The following JCAD variants were observed in gnomAD, a reference collection of about 807,000 sequenced individuals.
JCAD encodes junctional cadherin 5-associated protein.
JCAD carries 40 observed loss-of-function variants against 98.0 expected under a neutral mutation model. The ratio of observed to expected loss-of-function variants is 0.41; its 90% CI spans 0.32 to 0.53. The LOEUF (loss-of-function observed/expected upper bound fraction) is 0.53. Ranked by LOEUF, JCAD falls within the 20% of genes least tolerant of loss-of-function variation. The probability of loss-of-function intolerance (pLI) is 0.31; values close to 1 mark genes in which losing one functional copy is unlikely to be tolerated. For missense variants in JCAD, 1,705 were observed against 1,738.1 expected, an observed-to-expected ratio of 0.98 and a Z score of 0.34; for synonymous variants, 691 against 682.3, an observed-to-expected ratio of 1.01 and a Z score of -0.20.
chr10:30,085,927 T>C (rs1288764128), intron 1 of JCAD, among the ~76,000 whole-genome samples: 1 of 152,204 alleles, frequency 6.6e-6, no homozygotes, highest in African/African-American at 2.4e-5. Context: ...CCAGAAAGTC[T>C]ATTTGTTTAA....
intron 3 of JCAD, among the ~76,000 whole-genome samples, chr10:30,022,584 G>A (rs747628547): frequency 2.0e-5 from 3 of 152,162 alleles, no homozygotes; most frequent in East Asian, 1.9e-4. Flanking sequence ...CTCTCAAGAC[G>A]AGTGGTTTTG....
intron 2 of JCAD, among the ~76,000 whole-genome samples, chr10:30,038,540 A>T (rs982609195): frequency 1.3e-5 from 2 of 151,816 alleles, no homozygotes; most frequent in Non-Finnish European, 2.9e-5. Flanking sequence ...AAAAAGAAAA[A>T]TTAGCTAGAT....
chr10:30,093,546 A>G (rs1430400233), intron 1 of JCAD, among the ~76,000 whole-genome samples: 2 of 152,226 alleles, frequency 1.3e-5, no homozygotes, highest in Non-Finnish European at 2.9e-5. Flanking sequence ...TCGCTGCATT[A>G]ATGATGAGTC....
At position 30,027,614 on chromosome 10, in the gene JCAD, T is replaced by C. The variant is rs775929325; in HGVS notation, c.2534A>G (p.Glu845Gly). The change falls in exon 3 of 4, where the codon GAG (glutamate) becomes GGG (glycine). Residue 845 changes from glutamate to glycine, a missense_variant. Coordinates refer to ENST00000375377, the MANE Select transcript of JCAD (RefSeq NM_020848.4). The part of the protein sequence containing the change: ...LESFNKELQE[E>G]EESSSSSSSS... ...GCTGCTGCTACTGCTGCTTTCTTCC[T>C]CTTCCTGGAGCTCCTTGTTAAAACT... 42 of 1,614,202 alleles carry C rather than the reference T, an allele frequency of 2.6e-5. No individual in the cohort carries two copies. In the South Asian group the frequency reaches 4.6e-4, roughly 18 times the overall value.
At chr10:30,098,445 T>G (rs1450616232) in intron 1 of JCAD, among the ~76,000 whole-genome samples, 1 of 152,162 alleles carries the variant, frequency 6.6e-6, no homozygotes, top group Non-Finnish European at 1.5e-5. Context: ...TAGTCACTCT[T>G]CGCCCTGCAT....
At chr10:30,022,045 G>C (rs1450828161) in intron 3 of JCAD, among the ~76,000 whole-genome samples, 2 of 152,164 alleles carry the variant, frequency 1.3e-5, no homozygotes, top group Admixed American at 1.3e-4. Flanking sequence ...GGAACCAGGA[G>C]GTTCTGTGTA....
chr10:30,085,637 A>G (rs115362741), intron 1 of JCAD, among the ~76,000 whole-genome samples: 1,572 of 152,294 alleles, frequency 0.01, 25 homozygotes, highest in Middle Eastern at 0.054. Context: ...TTCAAGACCA[A>G]CGACATATGT....
At position 30,028,419 on chromosome 10, in the gene JCAD, C is replaced by T. The variant is rs750996746; in HGVS notation, c.1729G>A (p.Glu577Lys). The change falls in exon 3 of 4, where the codon GAG (glutamate) becomes AAG (lysine). Residue 577 changes from glutamate to lysine, a missense_variant. Glu to Lys is a moderately conservative substitution (Grantham distance 56, BLOSUM62 1). Coordinates refer to ENST00000375377, the MANE Select transcript of JCAD (RefSeq NM_020848.4). ...TKKSSKKKMN[E>K]TIFCLVSIPV... Reference sequence around the variant, plus strand: ...ATAGAAACCAAGCAAAATATAGTCTCGTTCATTTTTTTCTTTGAACTTTTC... The same window carrying T: ...ATAGAAACCAAGCAAAATATAGTCTTGTTCATTTTTTTCTTTGAACTTTTC... The T allele has an allele frequency of 3.7e-6, 6 of 1,614,180 alleles. No individual in the cohort carries two copies. The highest frequency in any genetic ancestry group is 1.3e-5 in the African/African-American group (1 of 75,066).
intron 1 of JCAD, among the ~76,000 whole-genome samples, chr10:30,112,836 A>AACT (rs1391778662): frequency 6.6e-6 from 1 of 150,800 alleles, no homozygotes; most frequent in Non-Finnish European, 1.5e-5. Flanking sequence ...TGTACCACTG[A>AACT]ACTCCAGCCT....
intron 1 of JCAD, among the ~76,000 whole-genome samples, chr10:30,092,708 T>C (rs1264002836): frequency 6.6e-6 from 1 of 152,138 alleles, no homozygotes; most frequent in Non-Finnish European, 1.5e-5. Context: ...GTTCCCAGCT[T>C]TGACTATCTT....
At chr10:30,113,280 G>A (rs544505598) in intron 1 of JCAD, among the ~76,000 whole-genome samples, 2 of 152,190 alleles carry the variant, frequency 1.3e-5, no homozygotes, top group African/African-American at 4.8e-5. Flanking sequence ...GCCGGGTGCA[G>A]TGGCTCATGC....
At position 30,080,271 on chromosome 10, in the gene JCAD, C is replaced by T. The variant is rs540158336; in HGVS notation, n.129-10450G>A. Among the ~76,000 whole-genome samples, 6 of 152,276 alleles carry T rather than the reference C, an allele frequency of 3.9e-5. No individual in the cohort carries two copies. In the East Asian group the frequency reaches 1.2e-3, roughly 29 times the overall value. On this transcript the variant is annotated intron_variant and non_coding_transcript_variant, in intron 1 of 2. Transcript: ENST00000465712. ...GGGTTCTCTTACTCCCTGTTCCCTC[C>T]TTCCCATCTTCAAACAGCAACACAG...
intron 1 of JCAD, among the ~76,000 whole-genome samples, chr10:30,091,321 T>C (rs534662326): frequency 4.5e-4 from 68 of 152,314 alleles, no homozygotes; most frequent in African/African-American, 1.4e-3. Context: ...ACATGCAAAC[T>C]GGCGTCAGAT....
upstream of JCAD, among the ~76,000 whole-genome samples, chr10:30,063,323 A>G (rs1249725943): frequency 6.6e-6 from 1 of 152,134 alleles, no homozygotes; most frequent in African/African-American, 2.4e-5. Flanking sequence ...GATTTCACAG[A>G]CTCAGGAAGG....
In JCAD at chr10:30,027,494, C is replaced by T. The variant is rs1370832400; in HGVS notation, c.2654G>A (p.Ser885Asn). The change falls in exon 3 of 4, where the codon AGC becomes AAC. Residue 885 changes from serine to asparagine, a missense_variant. This residue lies in a region of JCAD where 1,278 missense variants were observed against 1,243.1 expected (regional missense o/e 1.03). Coordinates refer to ENST00000375377, the MANE Select transcript of JCAD (RefSeq NM_020848.4). ...RQEDVGFRGN[S>N]PEMRVEPQPR... Reference sequence around the variant, plus strand: ...CTGTGGCTCAACCCTCATTTCCGGGCTGTTTCCGCGGAAGCCCACATCCTC... The same window carrying T: ...CTGTGGCTCAACCCTCATTTCCGGGTTGTTTCCGCGGAAGCCCACATCCTC... The T allele has an allele frequency of 6.2e-7, 1 of 1,608,648 alleles. No homozygotes were observed. The highest frequency in any genetic ancestry group is 8.5e-7 in the Non-Finnish European group (1 of 1,180,014).
intron 3 of JCAD, among the ~76,000 whole-genome samples, chr10:30,021,607 C>A (rs1836660891): frequency 6.6e-6 from 1 of 152,112 alleles, no homozygotes; most frequent in South Asian, 2.1e-4. Context: ...CAATATGTAA[C>A]CAATATAAAA....
In JCAD at chr10:30,038,389, G is replaced by C. The variant is rs142039525; in HGVS notation, c.282-8523C>G. Among the ~76,000 whole-genome samples, 101 of 152,152 alleles carry C rather than the reference G, an allele frequency of 6.6e-4. 1 individual carries two copies. In the East Asian group the frequency reaches 0.019, roughly 28 times the overall value. On this transcript the variant is annotated intron_variant, in intron 2 of 3. Coordinates refer to ENST00000375377, the MANE Select transcript of JCAD (RefSeq NM_020848.4). ...GACCACTGACCAACCTACAGGTAGC[G>C]AAGACAAAGAGAGAGCCGGCACGGA...
At chr10:30,089,113 C>A (rs1367274753) in intron 1 of JCAD, among the ~76,000 whole-genome samples, 2 of 152,142 alleles carry the variant, frequency 1.3e-5, no homozygotes, top group Non-Finnish European at 2.9e-5. Context: ...GGCAATAAAT[C>A]ATTGTAAGTA....
chr10:30,048,690 C>T (rs944139996), intron 1 of JCAD, among the ~76,000 whole-genome samples: 1 of 152,078 alleles, frequency 6.6e-6, no homozygotes, highest in Non-Finnish European at 1.5e-5. Flanking sequence ...CTCAGCCTCT[C>T]GAGTTGCTGG....
Sources: gnomAD v4.1 joint callset for allele counts (sites outside exome capture counted in the v4.1 genomes callset) on GRCh38, gnomAD v4.1.1 for gene constraint, gnomAD v4.1.1 regional missense constraint, MANE v1.5 for transcripts, NCBI Gene and HGNC (gene_info 2026-07-23, HGNC 2026-07-21) for gene names.